The following CBFB variants were observed in gnomAD, a reference collection of about 807,000 sequenced individuals.
The protein encoded by CBFB is core-binding factor subunit beta.
CBFB carries 9 observed loss-of-function variants against 30.4 expected under a neutral mutation model. The observed-to-expected ratio is 0.30, with a 90% CI of 0.18 to 0.52. CBFB has a LOEUF of 0.52. Ranked by LOEUF, CBFB falls within the 20% of genes least tolerant of loss-of-function variation. CBFB has a pLI of 0.97. For synonymous variants in CBFB, 94 were observed against 84.0 expected (o/e 1.12, Z -0.65); for missense variants, 170 against 244.0 (o/e 0.70, Z 2.02).
intron 2 of CBFB, among the ~76,000 whole-genome samples, chr16:67,034,690 A>G (rs1966412002): frequency 6.6e-6 from 1 of 152,188 alleles, no homozygotes; most frequent in Admixed American, 6.5e-5. Flanking sequence ...GTCTTAGCAC[A>G]GAACTGATTT....
At position 67,029,893 on chromosome 16, in the gene CBFB, C is replaced by G. The variant is rs1313950606; in HGVS notation, c.165+80C>G. ...GGCCCAGGCCGGTTCCGGACGGCGG[C>G]GCGGCTGCTGCGGCTCCCGGAACTG... On this transcript the variant is annotated intron_variant, in intron 2 of 5. Coordinates refer to ENST00000412916, the MANE Select transcript of CBFB (RefSeq NM_022845.3). The G allele has an allele frequency of 3.2e-6, 3 of 934,942 alleles. No individual in the cohort carries two copies. The East Asian group carries it at 1.0e-4, about 31-fold the overall frequency. 57.9% of individuals were successfully genotyped at this position (934,942 alleles called of 1,614,324 possible).
intron 3 of CBFB, among the ~76,000 whole-genome samples, chr16:67,053,037 G>A (rs1321702487): frequency 6.7e-6 from 1 of 149,932 alleles, no homozygotes; most frequent in African/African-American, 2.5e-5. Flanking sequence ...AAAAGAGAAA[G>A]AAAACTTTAC....
intron 3 of CBFB, among the ~76,000 whole-genome samples, chr16:67,042,823 C>T (rs1966554542): frequency 6.6e-6 from 1 of 152,150 alleles, no homozygotes; most frequent in Non-Finnish European, 1.5e-5. Flanking sequence ...ACAACCTCTG[C>T]CTGCCGGGTT....
chr16:67,087,154 G>C (rs114556591), intron 5 of CBFB, among the ~76,000 whole-genome samples: 5,531 of 152,178 alleles, frequency 0.036, 148 homozygotes, highest in South Asian at 0.078. Flanking sequence ...TCTAAAAAGT[G>C]CTCTTCAGCT....
chr16:67,071,909 C>T (rs1251354040), intron 4 of CBFB, among the ~76,000 whole-genome samples: 1 of 152,176 alleles, frequency 6.6e-6, no homozygotes, highest in South Asian at 2.1e-4. Flanking sequence ...AGCCCTCTTT[C>T]ACTGGGCTGG....
intron 4 of CBFB, among the ~76,000 whole-genome samples, chr16:67,073,252 G>T (rs186608979): frequency 6.6e-6 from 1 of 152,074 alleles, no homozygotes; most frequent in Non-Finnish European, 1.5e-5. Flanking sequence ...ATTTTCACAG[G>T]TATTGTCTCT....
chr16:67,057,585 A>C (rs916805638), intron 3 of CBFB, among the ~76,000 whole-genome samples: 3 of 152,124 alleles, frequency 2.0e-5, no homozygotes, highest in South Asian at 2.1e-4. Flanking sequence ...CTCCTGATAC[A>C]TGTTATTGAA....
chr16:67,052,527 G>C (rs1288148279), intron 3 of CBFB, among the ~76,000 whole-genome samples: 1 of 151,402 alleles, frequency 6.6e-6, no homozygotes, highest in African/African-American at 2.4e-5. Context: ...AGTGAGCTGT[G>C]ATGGTGCCAC....
At position 67,100,774 on chromosome 16, in the gene CBFB, T is replaced by C. The variant is rs1962198216; in HGVS notation, c.*1996T>C. On this transcript the variant is annotated 3_prime_UTR_variant, in exon 6 of 6. Coordinates refer to ENST00000412916, the MANE Select transcript of CBFB (RefSeq NM_022845.3). The stretch of plus-strand genomic sequence containing the variant: ...ATGTAAATACTGGATTTTTCTGTCA[T>C]TTAGCACCATGCTGCTTCTGTCTGT... 4.6e-6 allele frequency: 1 copy of C among 216,620 alleles called. No individual in the cohort carries two copies. Among genetic ancestry groups the C allele is most frequent in the African/African-American group, 2.3e-5 (1 of 44,416 alleles). The allele number at this position is 216,620 out of a possible 1,614,324, so 13.4% of individuals were successfully genotyped here.
intron 3 of CBFB, among the ~76,000 whole-genome samples, chr16:67,054,568 T>A (rs572586947): frequency 6.6e-6 from 1 of 152,314 alleles, no homozygotes; most frequent in Non-Finnish European, 1.5e-5. Flanking sequence ...TCCTTTCTTA[T>A]ATTTTTTCTA....
chr16:67,056,017 G>C (rs1960713006), intron 3 of CBFB, among the ~76,000 whole-genome samples: 1 of 152,162 alleles, frequency 6.6e-6, no homozygotes, highest in Non-Finnish European at 1.5e-5. Context: ...TATTACTGTT[G>C]GATGATTCAT....
intron 4 of CBFB, among the ~76,000 whole-genome samples, chr16:67,079,764 C>G (rs1489931642): frequency 6.6e-6 from 1 of 152,144 alleles, no homozygotes; most frequent in Non-Finnish European, 1.5e-5. Flanking sequence ...CCACCCCTTG[C>G]TGCAGTGAAT....
intron 3 of CBFB, among the ~76,000 whole-genome samples, chr16:67,055,638 G>A (rs550934286): frequency 6.6e-6 from 1 of 152,128 alleles, no homozygotes; most frequent in East Asian, 1.9e-4. Flanking sequence ...TTACAGGTGT[G>A]AGCCACCACA....
chr16:67,041,837 C>T (rs1966535632), intron 3 of CBFB, among the ~76,000 whole-genome samples: 1 of 142,574 alleles, frequency 7.0e-6, no homozygotes, highest in African/African-American at 2.7e-5. Flanking sequence ...TGCAGTGGTG[C>T]AATCATAGTT....
intron 3 of CBFB, among the ~76,000 whole-genome samples, chr16:67,062,400 C>T (rs1960937457): frequency 6.6e-6 from 1 of 151,370 alleles, no homozygotes; most frequent in Admixed American, 6.6e-5. Flanking sequence ...AACTCCTGAC[C>T]TCAGGTGATC....
chr16:67,081,456 T>C (rs936232746), intron 4 of CBFB, among the ~76,000 whole-genome samples: 2 of 150,706 alleles, frequency 1.3e-5, no homozygotes, highest in African/African-American at 4.9e-5. Context: ...AAAATCTGAC[T>C]TTTTTTTTAA....
chr16:67,061,888 G>A (rs568325538), intron 3 of CBFB, among the ~76,000 whole-genome samples: 33 of 151,814 alleles, frequency 2.2e-4, no homozygotes, highest in Admixed American at 1.8e-3. Context: ...AAAAATTAGC[G>A]GTGTGTGGTG....
intron 5 of CBFB, among the ~76,000 whole-genome samples, chr16:67,095,690 GTTT>G (rs869266505): frequency 2.4e-5 from 3 of 124,116 alleles, no homozygotes. Context: ...GACCTCATCT[GTTT>G]TTTTTTTTTT....
rs768172108 is a variant in CBFB at position 67,099,952 on chromosome 16, G to GA, written c.*1180dup. ...GATGCATTTTCTTCCATTAATTCTG[G>GA]AAAAAACGTTCACAGTTATATATAT... On this transcript the variant is annotated 3_prime_UTR_variant, in exon 6 of 6. Coordinates refer to ENST00000412916, the MANE Select transcript of CBFB (RefSeq NM_022845.3). 7 of 208,466 alleles carry GA rather than the reference G, an allele frequency of 3.4e-5. No homozygotes were observed. The highest frequency in any genetic ancestry group is 6.8e-5 in the Non-Finnish European group (7 of 102,356). 12.9% of individuals were successfully genotyped at this position (208,466 alleles called of 1,614,324 possible).
Sources: allele counts gnomAD v4.1 joint callset (sites outside exome capture counted in the v4.1 genomes callset), GRCh38; gene constraint gnomAD v4.1.1; transcripts MANE v1.5; gene names NCBI Gene and HGNC (gene_info 2026-07-23, HGNC 2026-07-21).